Variants in ANK2 observed in about 807,000 individuals in gnomAD.
ANK2 encodes ankyrin 2, also known as ankyrin-2.
In ANK2, 83 loss-of-function variants were observed where a neutral mutation model predicts 360.5. The observed-to-expected ratio is 0.23, with a 90% confidence interval of 0.19 to 0.28. The LOEUF is 0.28. ANK2 is among the 10% of genes least tolerant of loss of function. ANK2 has a pLI of 1.00. For missense variants in ANK2, 4,201 were observed against 4,795.7 expected (o/e 0.88, Z 3.66); for synonymous variants, 1,740 against 1,759.5 (o/e 0.99, Z 0.28).
intron 22 of ANK2, among the ~76,000 whole-genome samples, chr4:113,298,586 G>A (rs976654030): frequency 3.9e-5 from 6 of 152,072 alleles, no homozygotes; most frequent in Admixed American, 1.3e-4. Flanking sequence ...TTTTCATATC[G>A]TGATTAACAA....
At chr4:112,814,692 C>G (rs919131662), upstream of ANK2, among the ~76,000 whole-genome samples, 4 of 152,196 alleles carry the variant, frequency 2.6e-5, no homozygotes, top group South Asian at 2.1e-4. Flanking sequence ...AGAGAACATT[C>G]TGCTTGCTCT....
chr4:113,228,216 G>T (rs2099248536), intron 4 of ANK2, among the ~76,000 whole-genome samples: 1 of 152,044 alleles, frequency 6.6e-6, no homozygotes, highest in African/African-American at 2.4e-5. Context: ...GGTTTTAAGG[G>T]AACAGGTGGT....
chr4:113,015,710 T>C (rs574496883), intron 2 of ANK2, among the ~76,000 whole-genome samples: 16 of 152,348 alleles, frequency 1.1e-4, no homozygotes, highest in Non-Finnish European at 1.9e-4. Flanking sequence ...AAAAGTAGTA[T>C]AAAAACCTTA....
rs1044813107 is a variant in ANK2 at position 113,292,466 on chromosome 4, C to T, written c.2328C>T (p.Ile776=). The T allele has an allele frequency of 6.2e-7, 1 of 1,611,912 alleles. No homozygotes were observed. The highest frequency in any genetic ancestry group is 8.5e-7 in the Non-Finnish European group (1 of 1,178,972). Reference sequence around the variant, plus strand: ...CCGCTCAGCAGGGTCACACGCACATCATCAACGTCCTGCTCCAGCATGGGG... The same window carrying T: ...CCGCTCAGCAGGGTCACACGCACATTATCAACGTCCTGCTCCAGCATGGGG... ...HQAAQQGHTH[I]INVLLQHGAK... Residue 776 remains isoleucine (I), a synonymous_variant, in exon 21 of 46, where the codon ATC becomes ATT. Transcript: ENST00000357077.
rs77468290 is a variant in ANK2 at position 113,072,953 on chromosome 4, CTTTTTTTTTTTTT to C, written c.84+23155_84+23167del. On this transcript the variant is annotated intron_variant, in intron 1 of 45. Transcript: ENST00000357077. ...CTCGACTCTGTCACAAGGACAGTGT[CTTTTTTTTTTTTT>C]TTTTTTTTTTTTTGAGGGGAGGTCT... Among the ~76,000 whole-genome samples, 6 of 59,408 alleles carry C rather than the reference CTTTTTTTTTTTTT, an allele frequency of 1.0e-4. No homozygotes were observed. The Admixed American group carries it at 1.1e-3, about 11-fold the overall frequency. The allele number at this position is 59,408 out of a possible 152,430, so 39.0% of individuals were successfully genotyped here.
chr4:112,919,827 G>T (rs1012912795), intron 2 of ANK2, among the ~76,000 whole-genome samples: 1 of 152,042 alleles, frequency 6.6e-6, no homozygotes, highest in African/African-American at 2.4e-5. Flanking sequence ...AATGAAAATG[G>T]AACATCTTAA....
At chr4:113,169,473 A>G (rs2097864099) in intron 1 of ANK2, among the ~76,000 whole-genome samples, 1 of 152,218 alleles carries the variant, frequency 6.6e-6, no homozygotes, top group Non-Finnish European at 1.5e-5. Context: ...CTGTTTTTAC[A>G]AAGGAATGAC....
intron 7 of ANK2, 118 bp from the exon 8 acceptor site, chr4:113,240,367 A>C (rs1293579862): frequency 1.3e-6 from 1 of 759,394 alleles, no homozygotes; most frequent in African/African-American, 1.7e-5. Context: ...TTACTAAAGC[A>C]TTTATTATTG....
At chr4:113,274,407 G>A (rs1439234478) in intron 14 of ANK2, 45 bp from the exon 15 acceptor site, 1 of 1,590,238 alleles carries the variant, frequency 6.3e-7, no homozygotes, top group Non-Finnish European at 8.6e-7. Context: ...CACCAGTGAA[G>A]TTCTGTCTGC....
chr4:113,135,521 C>CTGTGTGTGTG lies in ANK2; in HGVS notation c.85-38894_85-38893insGTGTGTGTGT, dbSNP rs72311638. Among the ~76,000 whole-genome samples the CTGTGTGTGTG allele has an allele frequency of 8.4e-4, 124 of 148,132 alleles. 2 individuals carry two copies. Among genetic ancestry groups the CTGTGTGTGTG allele is most frequent in the East Asian group, 6.9e-3 (35 of 5,068 alleles). On this transcript the variant is annotated intron_variant, in intron 1 of 45. Coordinates refer to ENST00000357077, the MANE Select transcript of ANK2 (RefSeq NM_001148.6). The stretch of plus-strand genomic sequence containing the variant: ...CCAAACCATAGAGCTGTGTGTGTCT[C>CTGTGTGTGTG]TCTGTGTGTGTGTGTGTGTGTGTGT...
chr4:113,216,683 A>G (rs1226027124), intron 4 of ANK2, among the ~76,000 whole-genome samples: 1 of 152,218 alleles, frequency 6.6e-6, no homozygotes, highest in Non-Finnish European at 1.5e-5. Context: ...CAATATACCC[A>G]GGAAGAACAA....
intron 18 of ANK2, among the ~76,000 whole-genome samples, chr4:113,286,833 T>C (rs1358794070): frequency 6.6e-6 from 1 of 152,186 alleles, no homozygotes; most frequent in Non-Finnish European, 1.5e-5. Context: ...GCCTAGAATA[T>C]GAACACTTCA....
intron 15 of ANK2, among the ~76,000 whole-genome samples, chr4:113,275,245 G>T (rs2059811655): frequency 6.6e-6 from 1 of 152,148 alleles, no homozygotes; most frequent in Admixed American, 6.5e-5. Context: ...ATCGAGCAAA[G>T]AATTTTACTT....
At chr4:112,975,675 TCTC>T (rs2041129451) in intron 2 of ANK2, among the ~76,000 whole-genome samples, 1 of 152,192 alleles carries the variant, frequency 6.6e-6, no homozygotes, top group Admixed American at 6.5e-5. Flanking sequence ...AAGCAAGTAA[TCTC>T]CTTCTTGCAG....
the ANK2 span, among the ~76,000 whole-genome samples, chr4:112,777,777 C>T: frequency 1.2e-3 from 185 of 150,860 alleles, 2 homozygotes; most frequent in African/African-American, 3.5e-3. Context: ...GTCACCACAC[C>T]CGGCTAATTT....
At chr4:112,967,523 C>T (rs1338456988) in intron 2 of ANK2, among the ~76,000 whole-genome samples, 1 of 152,054 alleles carries the variant, frequency 6.6e-6, no homozygotes, top group Non-Finnish European at 1.5e-5. Context: ...CCATTGTTAT[C>T]TGGCTTTTAT....
intron 1 of ANK2, chr4:113,152,429 A>G (rs2097131044): frequency 6.6e-6 from 1 of 152,112 alleles, no homozygotes; most frequent in Non-Finnish European, 1.5e-5. Context: ...ATCAAAACTT[A>G]TTATGCCACA....
intron 37 of ANK2, chr4:113,350,930 G>C (rs893231853): frequency 2.0e-5 from 3 of 151,938 alleles, no homozygotes; most frequent in Non-Finnish European, 4.4e-5. Flanking sequence ...TGTTATTATA[G>C]GGTTAATTTT....
intron 9 of ANK2, among the ~76,000 whole-genome samples, chr4:113,244,393 A>T (rs1487903767): frequency 6.6e-6 from 1 of 152,172 alleles, no homozygotes; most frequent in Non-Finnish European, 1.5e-5. Flanking sequence ...ATAGGTTCTT[A>T]AAAAACAAAA....
Sources: allele counts gnomAD v4.1 joint callset (sites outside exome capture counted in the v4.1 genomes callset), GRCh38; gene constraint gnomAD v4.1.1; transcripts MANE v1.5; gene names NCBI Gene and HGNC (gene_info 2026-07-23, HGNC 2026-07-21).